ZFAND3: variants seen among roughly 807,000 people sequenced by gnomAD.
ZFAND3 encodes the protein AN1-type zinc finger protein 3.
Under a neutral mutation model 29.6 loss-of-function variants are expected in ZFAND3, and 10 were observed. That is an observed-to-expected ratio of 0.34 (90% confidence interval 0.21 to 0.57). The LOEUF is 0.57. ZFAND3 is among the 20% of genes least tolerant of loss of function. The pLI, the probability that ZFAND3 is intolerant of heterozygous loss-of-function variation, is 0.86. For synonymous variants in ZFAND3, 128 were observed against 112.6 expected, an observed-to-expected ratio of 1.14 and a Z score of -0.87; for missense variants, 230 against 304.5, an observed-to-expected ratio of 0.76 and a Z score of 1.82.
chr6:37,882,989 C>G (rs1349342679), intron 1 of ZFAND3, among the ~76,000 whole-genome samples: 1 of 152,042 alleles, frequency 6.6e-6, no homozygotes, highest in African/African-American at 2.4e-5. Context: ...GAGGCCAAGG[C>G]AGAAGAATCA....
At chr6:38,079,108 G>A (rs576799555) in intron 3 of ZFAND3, among the ~76,000 whole-genome samples, 3 of 152,242 alleles carry the variant, frequency 2.0e-5, no homozygotes, top group South Asian at 2.1e-4. Context: ...GGATGACAGC[G>A]CAATTAGTGT....
intron 1 of ZFAND3, among the ~76,000 whole-genome samples, chr6:37,861,893 A>G (rs1764499399): frequency 6.6e-6 from 1 of 152,244 alleles, no homozygotes; most frequent in South Asian, 2.1e-4. Context: ...TCAAGTAGAA[A>G]TAGAAAATAT....
chr6:38,052,752 A>T (rs1447361717), intron 2 of ZFAND3, among the ~76,000 whole-genome samples: 1 of 152,084 alleles, frequency 6.6e-6, no homozygotes, highest in Non-Finnish European at 1.5e-5. Context: ...CTCCATGTTG[A>T]CCGCCGGGCG....
intron 1 of ZFAND3, among the ~76,000 whole-genome samples, chr6:37,876,087 T>G (rs1456537222): frequency 2.0e-5 from 3 of 152,350 alleles, no homozygotes; most frequent in African/African-American, 7.2e-5. Context: ...GTTTTACTGT[T>G]TGAAAATTTG....
At chr6:37,937,570 G>A (rs927937226) in intron 2 of ZFAND3, among the ~76,000 whole-genome samples, 23 of 142,988 alleles carry the variant, frequency 1.6e-4, no homozygotes, top group African/African-American at 5.9e-4. Context: ...CAGAAGAATC[G>A]CTTGAACCAG....
At chr6:37,930,045 C>CTTT in intron 2 of ZFAND3, 46 bp downstream of exon 2, 20 of 1,163,038 alleles carry the variant, frequency 1.7e-5, no homozygotes, top group South Asian at 3.4e-5. Flanking sequence ...ATTTTTCTTT[C>CTTT]TTTTTTTTTT....
chr6:37,913,705 A>ATTTTTTTTTTTT (rs1581756231), intron 1 of ZFAND3, among the ~76,000 whole-genome samples: 6 of 111,646 alleles, frequency 5.4e-5, no homozygotes, highest in Non-Finnish European at 7.8e-5. Flanking sequence ...TGGCAGCTAT[A>ATTTTTTTTTTTT]TTCTTTTTTT....
intron 2 of ZFAND3, among the ~76,000 whole-genome samples, chr6:37,948,624 CT>C (rs1761942031): frequency 6.6e-6 from 1 of 152,162 alleles, no homozygotes; most frequent in Non-Finnish European, 1.5e-5. Flanking sequence ...TCCTCCACCC[CT>C]AAGTAGGCCT....
At chr6:37,827,505 A>G (rs1289296428) in intron 1 of ZFAND3, among the ~76,000 whole-genome samples, 4 of 152,192 alleles carry the variant, frequency 2.6e-5, no homozygotes, top group South Asian at 2.1e-4. Flanking sequence ...GCAGCTTTTT[A>G]TATGTGATTA....
intron 2 of ZFAND3, among the ~76,000 whole-genome samples, chr6:38,001,021 C>T (rs560578615): frequency 6.6e-6 from 1 of 152,150 alleles, no homozygotes; most frequent in Non-Finnish European, 1.5e-5. Flanking sequence ...CTGAATAAAG[C>T]TCAGAGTTCG....
intron 2 of ZFAND3, among the ~76,000 whole-genome samples, chr6:38,032,099 C>G (rs559692473): frequency 2.0e-5 from 3 of 152,242 alleles, no homozygotes; most frequent in Admixed American, 6.5e-5. Flanking sequence ...TCCCAAAGTT[C>G]TGGAATTACA....
chr6:38,103,766 G>A (rs1172626423), intron 4 of ZFAND3, among the ~76,000 whole-genome samples: 1 of 152,124 alleles, frequency 6.6e-6, no homozygotes, highest in Admixed American at 6.5e-5. Context: ...TGGGCATGTG[G>A]ACTTTGAGAA....
chr6:38,049,732 TC>T (rs1339011473), intron 2 of ZFAND3, among the ~76,000 whole-genome samples: 4 of 152,064 alleles, frequency 2.6e-5, no homozygotes, highest in African/African-American at 4.8e-5. Context: ...TCTCTGAACA[TC>T]CCCCTGATAT....
At chr6:38,106,539 A>G (rs12212723) in intron 4 of ZFAND3, among the ~76,000 whole-genome samples, 48,766 of 152,096 alleles carry the variant, frequency 0.32, 8,247 homozygotes, top group Non-Finnish European at 0.38. Context: ...CATGCCTGGA[A>G]ATATAGTAAT....
intron 2 of ZFAND3, among the ~76,000 whole-genome samples, chr6:38,041,057 T>A (rs1024343374): frequency 2.0e-5 from 3 of 152,230 alleles, no homozygotes; most frequent in African/African-American, 7.2e-5. Context: ...TAGCCTGTTT[T>A]TGTTTTTCTT....
intron 1 of ZFAND3, among the ~76,000 whole-genome samples, chr6:37,824,177 A>T (rs1763717818): frequency 6.6e-6 from 1 of 152,232 alleles, no homozygotes; most frequent in African/African-American, 2.4e-5. Flanking sequence ...GGCTCATTTT[A>T]GGCATTTAGT....
At chr6:37,927,316 A>C (rs1761502087) in intron 1 of ZFAND3, among the ~76,000 whole-genome samples, 1 of 152,186 alleles carries the variant, frequency 6.6e-6, no homozygotes, top group African/African-American at 2.4e-5. Flanking sequence ...CCTGCTGGGC[A>C]ATTGGGAGTA....
intron 5 of ZFAND3, among the ~76,000 whole-genome samples, chr6:38,123,055 A>C (rs115991078): frequency 6.6e-6 from 1 of 152,234 alleles, no homozygotes; most frequent in South Asian, 2.1e-4. Flanking sequence ...GAAGCCATCA[A>C]TAGTTTTGAA....
At chr6:37,854,230 C>T (rs774162594) in intron 1 of ZFAND3, among the ~76,000 whole-genome samples, 19 of 152,142 alleles carry the variant, frequency 1.2e-4, no homozygotes, top group East Asian at 3.8e-4. Context: ...GGATTACAAG[C>T]GTGATCCACT....
Sources: gnomAD v4.1 joint callset for allele counts (sites outside exome capture counted in the v4.1 genomes callset) on GRCh38, gnomAD v4.1.1 for gene constraint, MANE v1.5 for transcripts, NCBI Gene and HGNC (gene_info 2026-07-23, HGNC 2026-07-21) for gene names.